PODNL1: variants seen among roughly 807,000 people sequenced by gnomAD.
PODNL1 encodes the protein podocan like 1.
Under a neutral mutation model 45.1 loss-of-function variants are expected in PODNL1, and 50 were observed. The ratio of observed to expected loss-of-function variants is 1.11; its 90% CI spans 0.88 to 1.40. The LOEUF (loss-of-function observed/expected upper bound fraction) is 1.40. Ranked by LOEUF, PODNL1 falls within the 40% of genes most tolerant of loss-of-function variation. PODNL1 has a pLI of 0.00. For missense variants in PODNL1, 788 were observed against 793.3 expected (o/e 0.99, Z 0.08); for synonymous variants, 406 against 372.5 (o/e 1.09, Z -1.04).
rs1032247489 is a variant in PODNL1 at position 13,931,826 on chromosome 19, G to A, written c.1636C>T (p.Arg546Cys). The change falls in exon 10 of 10, where the codon CGT (arginine) becomes TGT (cysteine). Residue 546 changes from arginine to cysteine, a missense_variant. Physicochemically the swap from Arg to Cys is radical, Grantham distance 180 (BLOSUM62 -3). Transcript: ENST00000588872. ...GGATTCCCTGCCGTGTCCACCACAC[G>A]CAGGTTTGGGAGCCCCAGGAAGGCC... is the stretch of plus-strand genomic sequence containing the variant. ...AEAFLGLPNL[R>C]VVDTAGNPEQ... 31 of 1,231,938 alleles carry A rather than the reference G, an allele frequency of 2.5e-5. No individual in the cohort carries two copies. In the East Asian group the frequency reaches 3.2e-4, roughly 13 times the overall value. 76.3% of individuals were successfully genotyped at this position (1,231,938 alleles called of 1,614,324 possible). A position where few individuals can be genotyped will look rare whatever the true frequency, so the allele number is the denominator to read the frequency against.
intron 1 of PODNL1, among the ~76,000 whole-genome samples, chr19:13,950,398 G>A (rs970704290): frequency 6.6e-6 from 1 of 151,930 alleles, no homozygotes; most frequent in Non-Finnish European, 1.5e-5. Flanking sequence ...TTGATCTCGT[G>A]GGTTCAAGTG....
chr19:13,951,100 T>G (rs1364237269), intron 1 of PODNL1, among the ~76,000 whole-genome samples: 3 of 151,024 alleles, frequency 2.0e-5, no homozygotes, highest in Non-Finnish European at 3.0e-5. Flanking sequence ...TTGTGATATA[T>G]TTTTAAAAAA....
upstream of PODNL1, among the ~76,000 whole-genome samples, chr19:13,943,100 C>T (rs956973472): frequency 6.6e-6 from 1 of 151,686 alleles, no homozygotes; most frequent in African/African-American, 2.4e-5. Context: ...AGTTTGAGAC[C>T]AGCCTGACAA....
intron 1 of PODNL1, among the ~76,000 whole-genome samples, chr19:13,952,843 G>T (rs1475556277): frequency 5.7e-5 from 8 of 139,288 alleles, no homozygotes; most frequent in Non-Finnish European, 1.1e-4. Flanking sequence ...GATGCAGGTG[G>T]TTGTGTCGGG....
At chr19:13,946,843 G>T (rs532022740) in intron 1 of PODNL1, among the ~76,000 whole-genome samples, 31 of 151,806 alleles carry the variant, frequency 2.0e-4, no homozygotes, top group Non-Finnish European at 3.7e-4. Flanking sequence ...ACGAGGTCAG[G>T]AGATCAAGAC....
At chr19:13,944,723 T>G (rs1972761456) in intron 1 of PODNL1, among the ~76,000 whole-genome samples, 1 of 151,752 alleles carries the variant, frequency 6.6e-6, no homozygotes, top group East Asian at 1.9e-4. Flanking sequence ...TCCAAAGTAC[T>G]GGATTACAGA....
chr19:13,942,558 T>C (rs1157034210), upstream of PODNL1, among the ~76,000 whole-genome samples: 1 of 152,180 alleles, frequency 6.6e-6, no homozygotes, highest in Non-Finnish European at 1.5e-5. Flanking sequence ...TCCTGCCTGG[T>C]CCTGCCCAGT....
intron 5 of PODNL1, 116 bp from the exon 6 acceptor site, chr19:13,934,526 T>TGTGC (rs527262132): frequency 0.016 from 14,413 of 896,680 alleles, 73 homozygotes; most frequent in South Asian, 0.062. Context: ...TGTGTGTGTG[T>TGTGC]GCGCGCGCAT....
chr19:13,932,580 C>G, intron 8 of PODNL1: 1 of 1,304,534 alleles, frequency 7.7e-7, no homozygotes, highest in Non-Finnish European at 1.1e-6. Flanking sequence ...GGTCTCAAAC[C>G]CATAGCCTAA....
In PODNL1 at chr19:13,931,672, T is replaced by C; in HGVS notation, c.*65A>G. On this transcript the variant is annotated 3_prime_UTR_variant, in exon 10 of 10. Coordinates refer to ENST00000588872, the MANE Select transcript of PODNL1 (RefSeq NM_001370095.3). The stretch of plus-strand genomic sequence containing the variant: ...GACCAAGGGCCCCTGGTGGGCGTTG[T>C]CTCCTCAGTCCACGGCCCAGCGGAG... The C allele has an allele frequency of 8.1e-7, 1 of 1,228,600 alleles. No homozygotes were observed. The highest frequency in any genetic ancestry group is 3.1e-4 in the Middle Eastern group (1 of 3,206). The allele number at this position is 1,228,600 out of a possible 1,614,324, so 76.1% of individuals were successfully genotyped here. A position where few individuals can be genotyped will look rare whatever the true frequency, so the allele number is the denominator to read the frequency against.
intron 1 of PODNL1, chr19:13,949,766 C>T (rs1339762007): frequency 1.3e-5 from 2 of 152,190 alleles, no homozygotes; most frequent in African/African-American, 4.8e-5. Flanking sequence ...GTGGCTCAAT[C>T]TCCGCTCACT....
chr19:13,945,031 C>T (rs1038238818), intron 1 of PODNL1, among the ~76,000 whole-genome samples: 19 of 152,164 alleles, frequency 1.2e-4, no homozygotes, highest in African/African-American at 4.6e-4. Flanking sequence ...CCACCTTGGC[C>T]TCCCAAAGGG....
chr19:13,952,602 G>A (rs928704996), intron 1 of PODNL1: 26 of 1,267,006 alleles, frequency 2.1e-5, no homozygotes, highest in Non-Finnish European at 2.6e-5. Flanking sequence ...GGGCAGCAGG[G>A]CGGCGGCGGG....
rs1316295893 is a variant in PODNL1 at position 13,931,552 on chromosome 19, G to A, written c.*185C>T. 4.2e-5 allele frequency: 24 copies of A among 566,442 alleles called. No homozygotes were observed. The highest frequency in any genetic ancestry group is 4.4e-5 in the Admixed American group (1 of 22,908). The allele number at this position is 566,442 out of a possible 1,614,324, so 35.1% of individuals were successfully genotyped here. On this transcript the variant is annotated 3_prime_UTR_variant, in exon 10 of 10. Coordinates refer to ENST00000588872, the MANE Select transcript of PODNL1 (RefSeq NM_001370095.3). ...GTAGGGTGTGTCCCGCCAGGCCGGC[G>A]TGGTCTGTGAGCCTGGAGTATGCCA...
intron 1 of PODNL1, among the ~76,000 whole-genome samples, chr19:13,944,309 C>T (rs1487337409): frequency 6.7e-6 from 1 of 149,444 alleles, no homozygotes; most frequent in Non-Finnish European, 1.5e-5. Flanking sequence ...CTACAGGCAC[C>T]CGCCACCATG....
At chr19:13,950,176 T>C (rs990750422) in intron 1 of PODNL1, among the ~76,000 whole-genome samples, 3 of 151,162 alleles carry the variant, frequency 2.0e-5, no homozygotes, top group Non-Finnish European at 4.4e-5. Flanking sequence ...CCTTGTTTTG[T>C]TTTTTATTTG....
chr19:13,935,694 G>C, intron 5 of PODNL1, 27 bp downstream of exon 5: 1 of 1,473,118 alleles, frequency 6.8e-7, no homozygotes, highest in Non-Finnish European at 9.1e-7. Flanking sequence ...TCTGAGGCCT[G>C]GGGGCCTGGG....
At chr19:13,932,704 T>C (rs1972029634) in intron 8 of PODNL1, 94 bp downstream of exon 8, 3 of 1,604,524 alleles carry the variant, frequency 1.9e-6, no homozygotes, top group Non-Finnish European at 2.6e-6. Context: ...TTCTGATTGC[T>C]TTACCAGCTA....
chr19:13,948,203 CT>C (rs1213833304), intron 1 of PODNL1, among the ~76,000 whole-genome samples: 176 of 131,912 alleles, frequency 1.3e-3, no homozygotes, highest in Non-Finnish European at 1.2e-3. Flanking sequence ...CTTTTCTTTT[CT>C]TTTTTTTTTT....
Sources: allele counts gnomAD v4.1 joint callset (sites outside exome capture counted in the v4.1 genomes callset), GRCh38; gene constraint gnomAD v4.1.1; transcripts MANE v1.5; gene names NCBI Gene and HGNC (gene_info 2026-07-23, HGNC 2026-07-21).